The following BTRC variants were observed in gnomAD, a reference collection of about 807,000 sequenced individuals.
BTRC encodes F-box/WD repeat-containing protein 1A.
In BTRC, 42 loss-of-function variants were observed where a neutral mutation model predicts 85.5. The ratio of observed to expected loss-of-function variants is 0.49; its 90% CI spans 0.38 to 0.64. The LOEUF (loss-of-function observed/expected upper bound fraction) is 0.64. Among genes scored for constraint, BTRC ranks in the 30% least tolerant of loss-of-function variants. The probability of loss-of-function intolerance (pLI) is 0.00; values close to 1 mark genes in which losing one functional copy is unlikely to be tolerated. For synonymous variants in BTRC, 255 were observed against 263.3 expected (o/e 0.97, Z 0.30); for missense variants, 594 against 743.5 (o/e 0.80, Z 2.34).
chr10:101,502,992 A>G (rs964944807), intron 4 of BTRC, among the ~76,000 whole-genome samples: 3 of 152,160 alleles, frequency 2.0e-5, no homozygotes, highest in African/African-American at 4.8e-5. Context: ...GAATACCTTT[A>G]TATGTATTAT....
rs181920552 is a variant in BTRC at position 101,367,018 on chromosome 10, T to A, written c.48+12790T>A. On this transcript the variant is annotated intron_variant, in intron 1 of 14. Transcript: ENST00000370187. ...TTAATATATATATTTATATATATATTTATATTTATATATTTATATATATAA... is the reference window on the plus strand; with the variant it reads ...TTAATATATATATTTATATATATATATATATTTATATATTTATATATATAA... 4.2e-4 allele frequency among the ~76,000 whole-genome samples: 27 copies of A among 64,806 alleles called. 1 individual carries two copies. Among genetic ancestry groups the A allele is most frequent in the African/African-American group, 1.3e-3 (24 of 18,946 alleles). 42.5% of individuals were successfully genotyped at this position (64,806 alleles called of 152,430 possible).
intron 4 of BTRC, among the ~76,000 whole-genome samples, chr10:101,502,191 C>CAAATCAGA (rs1404419783): frequency 3.9e-5 from 6 of 152,158 alleles, no homozygotes; most frequent in Non-Finnish European, 8.8e-5. Context: ...AACAATGCCA[C>CAAATCAGA]AAATCAGAAG....
chr10:101,527,785 C>CACA (rs1299380807), intron 6 of BTRC, among the ~76,000 whole-genome samples: 170 of 144,050 alleles, frequency 1.2e-3, no homozygotes, highest in Non-Finnish European at 1.9e-3. Flanking sequence ...CTCTCTCTCT[C>CACA]TCTCTCACAT....
intron 4 of BTRC, among the ~76,000 whole-genome samples, chr10:101,511,939 C>G (rs2061962029): frequency 6.6e-6 from 1 of 152,224 alleles, no homozygotes; most frequent in Admixed American, 6.5e-5. Context: ...GCATGAGCTG[C>G]TACCATGCCT....
At chr10:101,428,300 T>C (rs1180796794) in intron 1 of BTRC, among the ~76,000 whole-genome samples, 1 of 152,198 alleles carries the variant, frequency 6.6e-6, no homozygotes, top group Admixed American at 6.5e-5. Context: ...AAATGTCAGA[T>C]TGACAGAGTG....
chr10:101,548,299 A>G (rs2062589790), intron 13 of BTRC, among the ~76,000 whole-genome samples: 1 of 152,256 alleles, frequency 6.6e-6, no homozygotes, highest in Admixed American at 6.5e-5. Flanking sequence ...GCTTTGTTTT[A>G]TAATAGCCAT....
intron 4 of BTRC, among the ~76,000 whole-genome samples, chr10:101,508,928 A>AAAAAAAAAAAAAAC (rs1946615717): frequency 2.6e-5 from 4 of 151,134 alleles, no homozygotes; most frequent in Non-Finnish European, 5.9e-5. Context: ...AAAAAAAAAA[A>AAAAAAAAAAAAAAC]AAAAAAAACT....
intron 2 of BTRC, among the ~76,000 whole-genome samples, chr10:101,447,518 A>G (rs1944858003): frequency 1.3e-5 from 2 of 152,194 alleles, no homozygotes; most frequent in Admixed American, 1.3e-4. Flanking sequence ...TATGGTATTC[A>G]CTAATTCTGT....
chr10:101,517,611 C>A (rs1273941771), intron 4 of BTRC, among the ~76,000 whole-genome samples: 1 of 152,140 alleles, frequency 6.6e-6, no homozygotes, highest in East Asian at 1.9e-4. Flanking sequence ...AAAGATCCAT[C>A]AAATTACTTT....
At chr10:101,408,789 T>C (rs1943697575) in intron 1 of BTRC, among the ~76,000 whole-genome samples, 1 of 152,214 alleles carries the variant, frequency 6.6e-6, no homozygotes, top group African/African-American at 2.4e-5. Flanking sequence ...GGCCCACCCC[T>C]GTAATCCCAG....
At chr10:101,533,371 CG>C (rs1299635734) in intron 9 of BTRC, among the ~76,000 whole-genome samples, 1 of 152,168 alleles carries the variant, frequency 6.6e-6, no homozygotes, top group Non-Finnish European at 1.5e-5. Flanking sequence ...AACCACCTCA[CG>C]GGGGAATGAT....
At chr10:101,383,213 A>G (rs1942982713) in intron 1 of BTRC, among the ~76,000 whole-genome samples, 1 of 151,608 alleles carries the variant, frequency 6.6e-6, no homozygotes, top group Admixed American at 6.6e-5. Context: ...ACAGGCGTGC[A>G]CCACCACGCC....
At chr10:101,540,914 G>T (rs1370489784) in intron 13 of BTRC, among the ~76,000 whole-genome samples, 1 of 152,132 alleles carries the variant, frequency 6.6e-6, no homozygotes, top group Non-Finnish European at 1.5e-5. Context: ...CAGCCACGTT[G>T]TAGCTTTTAG....
chr10:101,496,091 A>G (rs1946253193), intron 4 of BTRC, among the ~76,000 whole-genome samples: 1 of 151,504 alleles, frequency 6.6e-6, no homozygotes, highest in African/African-American at 2.4e-5. Flanking sequence ...ATAATTTGTT[A>G]TTGATATGTA....
At chr10:101,444,964 G>A (rs1589476569) in intron 2 of BTRC, among the ~76,000 whole-genome samples, 2 of 152,132 alleles carry the variant, frequency 1.3e-5, no homozygotes, top group Non-Finnish European at 2.9e-5. Context: ...GAGGTTATAG[G>A]GGCTCTAGAC....
chr10:101,445,833 A>C (rs1944809009), intron 2 of BTRC, among the ~76,000 whole-genome samples: 1 of 152,216 alleles, frequency 6.6e-6, no homozygotes, highest in South Asian at 2.1e-4. Context: ...GATGAAGTGC[A>C]GTTTGAATTA....
chr10:101,470,629 C>T lies in BTRC; in HGVS notation c.234+8571C>T, dbSNP rs563033566. Among the ~76,000 whole-genome samples, 4 of 152,198 alleles carry T rather than the reference C, an allele frequency of 2.6e-5. No homozygotes were observed. The South Asian group carries it at 6.2e-4, about 24-fold the overall frequency. On this transcript the variant is annotated intron_variant, in intron 3 of 14. Coordinates refer to ENST00000370187, the MANE Select transcript of BTRC (RefSeq NM_033637.4). ...ACAGGCGCGAGCCACCGCGCCTAGC[C>T]GGTTTTTTCTTTTAGAAGGGATACT... is the stretch of plus-strand genomic sequence containing the variant.
At chr10:101,518,734 G>A (rs1156745626) in intron 4 of BTRC, among the ~76,000 whole-genome samples, 3 of 152,102 alleles carry the variant, frequency 2.0e-5, no homozygotes, top group Admixed American at 1.3e-4. Context: ...TGCCACCCAG[G>A]ACCTAGGGTC....
At chr10:101,473,465 C>CTTTTTTTTTTTTTTTTTT (rs869163139) in intron 3 of BTRC, among the ~76,000 whole-genome samples, 1 of 96,772 alleles carries the variant, frequency 1.0e-5, no homozygotes, top group Non-Finnish European at 1.9e-5. Flanking sequence ...TCTTTTTTCT[C>CTTTTTTTTTTTTTTTTTT]TTTTTTTTTT....
Sources: gnomAD v4.1 joint callset for allele counts (sites outside exome capture counted in the v4.1 genomes callset) on GRCh38, gnomAD v4.1.1 for gene constraint, MANE v1.5 for transcripts, NCBI Gene and HGNC (gene_info 2026-07-23, HGNC 2026-07-21) for gene names.